Variants in ZFPM1 observed in about 807,000 individuals in gnomAD.
ZFPM1 encodes the protein zinc finger protein, FOG family member 1, also known as zinc finger protein ZFPM1.
A neutral mutation model predicts 46.3 loss-of-function variants in ZFPM1; 28 were observed. The ratio of observed to expected loss-of-function variants is 0.60; its 90% confidence interval spans 0.45 to 0.83. The LOEUF (loss-of-function observed/expected upper bound fraction) is 0.83, where lower values mean the gene tolerates loss of function less well. ZFPM1 is among the 40% of genes least tolerant of loss of function. The pLI is 0.00. For missense variants in ZFPM1, 1,878 were observed against 1,432.4 expected (o/e 1.31, Z -5.02); for synonymous variants, 957 against 675.9 (o/e 1.42, Z -6.45).
At chr16:88,482,375 TC>T (rs1381319312) in intron 1 of ZFPM1, among the ~76,000 whole-genome samples, 1 of 152,018 alleles carries the variant, frequency 6.6e-6, no homozygotes, top group East Asian at 1.9e-4. Flanking sequence ...CCTCGACACA[TC>T]CTATTTGTGG....
At chr16:88,489,561 C>T (rs913941191) in intron 3 of ZFPM1, among the ~76,000 whole-genome samples, 1 of 152,216 alleles carries the variant, frequency 6.6e-6, no homozygotes, top group Admixed American at 6.5e-5. Context: ...GCTGAGGTGC[C>T]CAGGCAGGCG....
chr16:88,455,832 G>A (rs1317368395), intron 1 of ZFPM1, among the ~76,000 whole-genome samples: 2 of 152,216 alleles, frequency 1.3e-5, no homozygotes, highest in Non-Finnish European at 2.9e-5. Flanking sequence ...GATGGCGGAG[G>A]CGATAGGCCG....
At chr16:88,491,077 G>A (rs538103426) in intron 3 of ZFPM1, among the ~76,000 whole-genome samples, 4 of 144,662 alleles carry the variant, frequency 2.8e-5, no homozygotes, top group African/African-American at 5.0e-5. Context: ...GTGCCTTCGC[G>A]GGTCCCAGTC....
intron 4 of ZFPM1, among the ~76,000 whole-genome samples, chr16:88,522,567 T>C (rs1249038691): frequency 6.6e-6 from 1 of 152,220 alleles, no homozygotes; most frequent in Non-Finnish European, 1.5e-5. Context: ...TCAGATAAAG[T>C]TGTCACAGCG....
intron 4 of ZFPM1, among the ~76,000 whole-genome samples, chr16:88,518,037 C>T (rs535227528): frequency 4.6e-5 from 7 of 151,932 alleles, no homozygotes; most frequent in South Asian, 2.1e-4. Flanking sequence ...GGTGAAACCC[C>T]GTCTCTATTA....
intron 3 of ZFPM1, among the ~76,000 whole-genome samples, chr16:88,508,913 T>C (rs8050561): frequency 0.075 from 11,431 of 152,206 alleles, 477 homozygotes; most frequent in South Asian, 0.11. Context: ...TTTGCCTGCG[T>C]GGGAACCAAG....
At chr16:88,462,868 A>G (rs1488764690) in intron 1 of ZFPM1, among the ~76,000 whole-genome samples, 1 of 141,632 alleles carries the variant, frequency 7.1e-6, no homozygotes, top group African/African-American at 2.5e-5. Context: ...TGCTCACCTC[A>G]CGGGGCTGTG....
At chr16:88,528,880 G>A (rs2035318) in intron 6 of ZFPM1, among the ~76,000 whole-genome samples, 151,040 of 152,342 alleles carry the variant, frequency 0.99, 74,889 homozygotes, top group Non-Finnish European at 1. Flanking sequence ...ACACATGGCC[G>A]TATGTCCCTG....
intron 1 of ZFPM1, among the ~76,000 whole-genome samples, chr16:88,482,789 C>G (rs1019559165): frequency 6.6e-6 from 1 of 152,158 alleles, no homozygotes; most frequent in African/African-American, 2.4e-5. Flanking sequence ...CAGCTCCATG[C>G]CAGCCACAGA....
intron 1 of ZFPM1, among the ~76,000 whole-genome samples, chr16:88,460,713 G>C (rs1457075142): frequency 6.6e-6 from 1 of 152,192 alleles, no homozygotes; most frequent in Non-Finnish European, 1.5e-5. Context: ...AGCTGTGTTG[G>C]GTAGTCTAAC....
intron 3 of ZFPM1, among the ~76,000 whole-genome samples, chr16:88,499,873 G>A (rs1325669200): frequency 6.6e-5 from 10 of 152,152 alleles, no homozygotes; most frequent in Admixed American, 5.2e-4. Flanking sequence ...TGGGCTCCCC[G>A]GCCCCTCCTC....
chr16:88,519,924 TAG>T (rs1911695415), intron 4 of ZFPM1, among the ~76,000 whole-genome samples: 2 of 145,958 alleles, frequency 1.4e-5, no homozygotes, highest in Non-Finnish European at 3.0e-5. Context: ...GGTAGATGGA[TAG>T]ATGGATGAGT....
intron 1 of ZFPM1, among the ~76,000 whole-genome samples, chr16:88,485,358 A>G (rs2142371834): frequency 6.6e-6 from 1 of 151,984 alleles, no homozygotes; most frequent in South Asian, 2.1e-4. Flanking sequence ...GCCAAGGGTC[A>G]CGGCAGGTAA....
intron 3 of ZFPM1, among the ~76,000 whole-genome samples, chr16:88,512,327 C>T (rs1453512866): frequency 6.6e-6 from 1 of 152,142 alleles, no homozygotes; most frequent in Non-Finnish European, 1.5e-5. Flanking sequence ...GGTGTGGACG[C>T]TGCAGGCCCA....
At chr16:88,520,250 GGATA>G (rs1438164622) in intron 4 of ZFPM1, among the ~76,000 whole-genome samples, 3 of 151,588 alleles carry the variant, frequency 2.0e-5, no homozygotes, top group Admixed American at 6.6e-5. Context: ...CTGGGTGGAT[GGATA>G]GATGGATGAG....
intron 3 of ZFPM1, 173 bp downstream of exon 3, chr16:88,489,326 C>G: frequency 9.1e-7 from 1 of 1,100,314 alleles, no homozygotes; most frequent in East Asian, 2.8e-5. Context: ...GGTGGTATCA[C>G]TGGAGCTTGG....
intron 2 of ZFPM1, among the ~76,000 whole-genome samples, chr16:88,488,502 T>A (rs920931802): frequency 7.2e-5 from 11 of 152,184 alleles, no homozygotes; most frequent in Admixed American, 7.2e-4. Flanking sequence ...ACTTTTATAC[T>A]GTGTGATTGA....
chr16:88,472,086 G>C (rs1333489842), intron 1 of ZFPM1, among the ~76,000 whole-genome samples: 1 of 152,236 alleles, frequency 6.6e-6, no homozygotes, highest in Non-Finnish European at 1.5e-5. Flanking sequence ...CACCACCCAT[G>C]GCCGCCGGTA....
intron 1 of ZFPM1, among the ~76,000 whole-genome samples, chr16:88,461,046 C>T (rs201099516): frequency 2.0e-4 from 18 of 88,384 alleles, no homozygotes; most frequent in African/African-American, 6.3e-4. Flanking sequence ...GACCGAGGGG[C>T]GGGAGGCCCT....
Sources: gnomAD v4.1 joint callset for allele counts (sites outside exome capture counted in the v4.1 genomes callset) on GRCh38, gnomAD v4.1.1 for gene constraint, MANE v1.5 for transcripts, NCBI Gene and HGNC (gene_info 2026-07-23, HGNC 2026-07-21) for gene names.